The following STAP1 variants were observed in gnomAD, a reference collection of about 807,000 sequenced individuals.
STAP1 encodes the protein signal transducing adaptor family member 1.
STAP1 carries 30 observed loss-of-function variants against 37.8 expected under a neutral mutation model. That is an observed-to-expected ratio of 0.79 (90% CI 0.59 to 1.08). The LOEUF (loss-of-function observed/expected upper bound fraction) is 1.08, where lower values mean the gene tolerates loss of function less well. Among genes scored for constraint, STAP1 ranks in the 50% least tolerant of loss-of-function variants. The probability of loss-of-function intolerance (pLI) is 0.00; values close to 1 mark genes in which losing one functional copy is unlikely to be tolerated. For missense variants in STAP1, 357 were observed against 349.4 expected, an observed-to-expected ratio of 1.02 and a Z score of -0.17; for synonymous variants, 130 against 116.0, an observed-to-expected ratio of 1.12 and a Z score of -0.78.
intron 3 of STAP1, 82 bp downstream of exon 3, chr4:67,575,580 A>T: frequency 2.0e-6 from 2 of 1,025,212 alleles, no homozygotes; most frequent in Middle Eastern, 2.0e-4. Flanking sequence ...AGTAAAGAGA[A>T]ATTGTAAGAC....
At chr4:67,563,556 T>C (rs915112243) in intron 1 of STAP1, among the ~76,000 whole-genome samples, 1 of 152,042 alleles carries the variant, frequency 6.6e-6, no homozygotes, top group Non-Finnish European at 1.5e-5. Flanking sequence ...ATCAAAAAAT[T>C]AGCCAGGCGT....
chr4:67,559,915 G>A (rs1362267411), intron 1 of STAP1, among the ~76,000 whole-genome samples: 2 of 151,908 alleles, frequency 1.3e-5, no homozygotes, highest in Non-Finnish European at 2.9e-5. Flanking sequence ...GTAAAGACAT[G>A]GTAATTTGTA....
chr4:67,600,840 C>A (rs994835050), intron 8 of STAP1, among the ~76,000 whole-genome samples: 1 of 152,068 alleles, frequency 6.6e-6, no homozygotes, highest in African/African-American at 2.4e-5. Context: ...GTTTCCATCT[C>A]TTTAGTTTTA....
intron 2 of STAP1, 86 bp downstream of exon 2, chr4:67,571,241 C>T (rs1727599486): frequency 1.1e-6 from 1 of 927,390 alleles, no homozygotes; most frequent in Non-Finnish European, 1.7e-6. Flanking sequence ...TTTCTGCCAT[C>T]CAAGAATAAA....
chr4:67,558,735 G>A lies in STAP1; in HGVS notation c.-75G>A. The A allele has an allele frequency of 6.4e-7, 1 of 1,555,006 alleles. No homozygotes were observed. The highest frequency in any genetic ancestry group is 8.7e-7 in the Non-Finnish European group (1 of 1,152,864). On this transcript the variant is annotated 5_prime_UTR_variant, in exon 1 of 9. Coordinates refer to ENST00000265404, the MANE Select transcript of STAP1 (RefSeq NM_012108.4). ...TTTGGGACTTCCTCTTTGAACAGTT[G>A]CCTTTTCCTCTCACAGAAGGAAGAT...
intron 8 of STAP1, 38 bp downstream of exon 8, chr4:67,593,394 A>G (rs1560466051): frequency 1.4e-6 from 2 of 1,419,532 alleles, no homozygotes; most frequent in African/African-American, 2.9e-5. Flanking sequence ...AAGGGAAACA[A>G]AACAAAACAA....
intron 1 of STAP1, among the ~76,000 whole-genome samples, chr4:67,560,643 G>GGTGGGT (rs1727313787): frequency 1.3e-5 from 2 of 149,490 alleles, no homozygotes; most frequent in African/African-American, 4.9e-5. Context: ...TGTGTGTGTG[G>GGTGGGT]GTGTGTGTCT....
intron 8 of STAP1, among the ~76,000 whole-genome samples, chr4:67,606,028 T>C (rs1377373900): frequency 6.6e-6 from 1 of 152,128 alleles, no homozygotes; most frequent in Non-Finnish European, 1.5e-5. Flanking sequence ...CTCCAGAAAT[T>C]AGCAGTTTAA....
intron 1 of STAP1, among the ~76,000 whole-genome samples, chr4:67,567,714 C>T (rs1347180917): frequency 1.3e-5 from 2 of 152,126 alleles, no homozygotes; most frequent in Non-Finnish European, 2.9e-5. Flanking sequence ...TCCTGGTAAT[C>T]CTTCTGCCAG....
intron 1 of STAP1, among the ~76,000 whole-genome samples, chr4:67,563,932 C>T (rs977890027): frequency 5.2e-5 from 5 of 95,924 alleles, no homozygotes; most frequent in African/African-American, 1.3e-4. Flanking sequence ...TTCACACAAA[C>T]GATTGTTAAA....
chr4:67,580,678 T>C (rs1358298999), intron 4 of STAP1, among the ~76,000 whole-genome samples: 1 of 152,226 alleles, frequency 6.6e-6, no homozygotes, highest in Non-Finnish European at 1.5e-5. Flanking sequence ...CAGGTATGAA[T>C]ATAAATCAGA....
intron 8 of STAP1, among the ~76,000 whole-genome samples, chr4:67,598,509 T>A (rs937345917): frequency 3.3e-5 from 5 of 152,234 alleles, no homozygotes; most frequent in Admixed American, 3.3e-4. Flanking sequence ...GTAGTTTTGA[T>A]CTGCATTTCT....
chr4:67,592,865 G>A (rs60017253), intron 7 of STAP1, among the ~76,000 whole-genome samples: 16,556 of 151,998 alleles, frequency 0.11, 1,560 homozygotes, highest in African/African-American at 0.25. Context: ...TTCAATTTTC[G>A]TAGAGACAGG....
intron 1 of STAP1, among the ~76,000 whole-genome samples, chr4:67,564,872 T>C (rs1727431599): frequency 6.6e-6 from 1 of 152,110 alleles, no homozygotes; most frequent in Non-Finnish European, 1.5e-5. Context: ...GAGATCAAAA[T>C]CACACCACTG....
In STAP1 at chr4:67,577,208, G is replaced by A; in HGVS notation, c.312G>A (p.Glu104=). Residue 104 remains glutamate (E), a synonymous_variant, in exon 4 of 9, where the codon GAG becomes GAA. Coordinates refer to ENST00000265404, the MANE Select transcript of STAP1 (RefSeq NM_012108.4). The part of the protein sequence containing the change: ...LPKEEVQLKT[E]NTESGEEWRG... ...GTTTTTGTCTTCAACTTTAGACAGA[G>A]AACACAGAAAGTGGGGAAGAATGGA... The A allele has an allele frequency of 6.2e-7, 1 of 1,610,486 alleles. No homozygotes were observed. The highest frequency in any genetic ancestry group is 1.7e-4 in the Middle Eastern group (1 of 6,040).
intron 1 of STAP1, among the ~76,000 whole-genome samples, chr4:67,566,428 A>G (rs1247317993): frequency 2.0e-5 from 3 of 152,220 alleles, no homozygotes; most frequent in African/African-American, 7.2e-5. Flanking sequence ...ATTTTACTCC[A>G]GATTTGGGTA....
At chr4:67,563,720 A>G (rs1003215599) in intron 1 of STAP1, among the ~76,000 whole-genome samples, 1 of 152,150 alleles carries the variant, frequency 6.6e-6, no homozygotes, top group Non-Finnish European at 1.5e-5. Context: ...CAACAACTCC[A>G]AATAAACAAA....
chr4:67,601,314 C>T (rs1461456247), intron 8 of STAP1, among the ~76,000 whole-genome samples: 3 of 152,122 alleles, frequency 2.0e-5, no homozygotes, highest in Admixed American at 2.0e-4. Context: ...CTTATACTGT[C>T]TATGTCTTGA....
At position 67,607,257 on chromosome 4, in the gene STAP1, G is replaced by A. The variant is rs1234970147; in HGVS notation, c.*900G>A. ...TGACAACTCAAGGAGAGAGGCCTCG[G>A]GGGGAAAAAAAGATCAACCTGGCCA... is the stretch of plus-strand genomic sequence containing the variant. On this transcript the variant is annotated 3_prime_UTR_variant, in exon 9 of 9. Transcript: ENST00000265404. The A allele has an allele frequency of 6.6e-6, 1 of 152,174 alleles. No individual in the cohort carries two copies. The highest frequency in any genetic ancestry group is 2.1e-4 in the South Asian group (1 of 4,822). The allele number at this position is 152,174 out of a possible 1,614,324, so 9.4% of individuals were successfully genotyped here.
Sources: gnomAD v4.1 joint callset for allele counts (sites outside exome capture counted in the v4.1 genomes callset) on GRCh38, gnomAD v4.1.1 for gene constraint, MANE v1.5 for transcripts, NCBI Gene and HGNC (gene_info 2026-07-23, HGNC 2026-07-21) for gene names.